DFFA: variants seen among roughly 807,000 people sequenced by gnomAD.
The protein encoded by DFFA is DNA fragmentation factor subunit alpha.
DFFA carries 14 observed loss-of-function variants against 28.0 expected under a neutral mutation model. The observed-to-expected ratio is 0.50, with a 90% CI of 0.33 to 0.78. DFFA has a LOEUF of 0.78. Ranked by LOEUF, DFFA falls within the 30% of genes least tolerant of loss-of-function variation. DFFA has a pLI of 0.02. For missense variants in DFFA, 395 were observed against 407.1 expected (o/e 0.97, Z 0.26); for synonymous variants, 158 against 170.3 (o/e 0.93, Z 0.56).
chr1:10,471,580 C>T lies in DFFA; in HGVS notation c.136+743G>A, dbSNP rs146112251. ...GAGAGGAAGCAACTGTGCCCTCTGA[C>T]ACACACTGTGACTACATGCCTGGGG... is the stretch of plus-strand genomic sequence containing the variant. On this transcript the variant is annotated intron_variant, in intron 1 of 5. Transcript: ENST00000377038. Among the ~76,000 whole-genome samples, 223 of 152,290 alleles carry T rather than the reference C, an allele frequency of 1.5e-3. 2 individuals are homozygous for T. Among genetic ancestry groups the T allele is most frequent in the African/African-American group, 5.0e-3 (208 of 41,554 alleles).
chr1:10,464,250 G>A (rs1451749395), intron 3 of DFFA, among the ~76,000 whole-genome samples: 2 of 151,780 alleles, frequency 1.3e-5, no homozygotes, highest in Non-Finnish European at 2.9e-5. Flanking sequence ...CTGCCACCAC[G>A]CTTGGCTAAT....
At chr1:10,471,105 G>C (rs1426867850) in intron 1 of DFFA, among the ~76,000 whole-genome samples, 2 of 149,722 alleles carry the variant, frequency 1.3e-5, no homozygotes, top group East Asian at 3.9e-4. Flanking sequence ...GTTCTTTACA[G>C]TATCTTCCTT....
intron 2 of DFFA, among the ~76,000 whole-genome samples, chr1:10,468,814 C>T (rs187341281): frequency 6.6e-6 from 1 of 151,872 alleles, no homozygotes; most frequent in Non-Finnish European, 1.5e-5. Context: ...TCTCAGCTCA[C>T]TGCAACCTCC....
chr1:10,461,323 A>T lies in DFFA; in HGVS notation c.*167T>A. ...CAGAAGTCCTGAAGCTGGTGGGGCT[A>T]AAAAAAAAATTGGTGGAACGGCGTA... is the stretch of plus-strand genomic sequence containing the variant. On this transcript the variant is annotated 3_prime_UTR_variant, in exon 6 of 6. Coordinates refer to ENST00000377038, the MANE Select transcript of DFFA (RefSeq NM_004401.3). 1.3e-6 allele frequency: 1 copy of T among 745,180 alleles called. No homozygotes were observed. The highest frequency in any genetic ancestry group is 1.8e-6 in the Non-Finnish European group (1 of 542,944). 46.2% of individuals were successfully genotyped at this position (745,180 alleles called of 1,614,324 possible).
intron 5 of DFFA, chr1:10,462,650 C>T (rs1398847933): frequency 4.9e-6 from 5 of 1,017,224 alleles, no homozygotes; most frequent in Non-Finnish European, 5.9e-6. Context: ...AAGTTTTTAG[C>T]TCCCTGGTCT....
intron 5 of DFFA, chr1:10,462,505 C>CATCTT (rs1640962534): frequency 1.0e-6 from 1 of 989,952 alleles, no homozygotes; most frequent in African/African-American, 1.7e-5. Flanking sequence ...ACTCTAAGGT[C>CATCTT]CTCCACCTTC....
In DFFA at chr1:10,458,534, A is replaced by ATT. The variant is rs5772416; in HGVS notation, c.*2954_*2955dup. ...CATCTTTACCCTAGGACTTATTGTG[A>ATT]TTTTCTTTTTTTTTTTTTTTTAAAG... On this transcript the variant is annotated 3_prime_UTR_variant, in exon 6 of 6. Coordinates refer to ENST00000377038, the MANE Select transcript of DFFA (RefSeq NM_004401.3). The ATT allele has an allele frequency of 0.8, 107,627 of 134,308 alleles. 44,615 individuals are homozygous for ATT. The highest frequency in any genetic ancestry group is 0.9 in the Non-Finnish European group (58,172 of 64,474). 8.3% of individuals were successfully genotyped at this position (134,308 alleles called of 1,614,324 possible).
At position 10,469,272 on chromosome 1, in the gene DFFA, G is replaced by A. The variant is rs758582569; in HGVS notation, c.203C>T (p.Thr68Ile). ...AAAGTAATCGTCATCATCCACTATG[G>A]TGCCATCCTCTGCCAGGACCAGGGT... Reference protein sequence around the residue: ...PVTLVLAEDGTIVDDDDYFLC... With the variant: ...PVTLVLAEDGIIVDDDDYFLC... Residue 68 changes from threonine (T) to isoleucine (I), a missense_variant, in exon 2 of 6, where the codon ACC becomes ATC. Physicochemically the swap from Thr to Ile is moderately conservative, Grantham distance 89. Coordinates refer to ENST00000377038, the MANE Select transcript of DFFA (RefSeq NM_004401.3). 10 of 1,614,010 alleles carry A rather than the reference G, an allele frequency of 6.2e-6. No individual in the cohort carries two copies. The highest frequency in any genetic ancestry group is 8.5e-6 in the Non-Finnish European group (10 of 1,179,992).
chr1:10,469,709 C>T (rs1009305172), intron 1 of DFFA, among the ~76,000 whole-genome samples: 2 of 152,008 alleles, frequency 1.3e-5, no homozygotes, highest in Non-Finnish European at 2.9e-5. Context: ...TTAGTAGAGA[C>T]GTGGTTTCAC....
At position 10,469,354 on chromosome 1, in the gene DFFA, T is replaced by C. The variant is rs1641064134; in HGVS notation, c.137-16A>G. 6.2e-7 allele frequency: 1 copy of C among 1,611,910 alleles called. No homozygotes were observed. The highest frequency in any genetic ancestry group is 2.2e-5 in the East Asian group (1 of 44,842). The stretch of plus-strand genomic sequence containing the variant: ...ATGTCACAGGCTGAAAAGAATAAAA[T>C]ATTTGGCAAATGACAAATAACCGTA... On this transcript the variant is annotated splice_polypyrimidine_tract_variant and intron_variant, in intron 1 of 5. Coordinates refer to ENST00000377038, the MANE Select transcript of DFFA (RefSeq NM_004401.3).
rs1641060997 is a variant in DFFA, at chr1:10,469,207, T to C, written c.268A>G (p.Ser90Gly). 1.2e-6 allele frequency: 2 copies of C among 1,614,218 alleles called. No individual in the cohort carries two copies. Among genetic ancestry groups the C allele is most frequent in the Non-Finnish European group, 1.7e-6 (2 of 1,180,030 alleles). Residue 90 changes from serine to glycine, a missense_variant, in exon 2 of 6, where the codon AGT becomes GGT. By Grantham distance (56) the Ser-to-Gly change is moderately conservative. Coordinates refer to ENST00000377038, the MANE Select transcript of DFFA (RefSeq NM_004401.3). ...TTGTTGTATGCCCATTTCTCATTAC[T>C]AGCCAATGCCACAAACTTAGTATTG... ...PSNTKFVALA[S>G]NEKWAYNNSD...
chr1:10,472,413 G>C lies in DFFA; in HGVS notation c.46C>G (p.Arg16Gly), dbSNP rs1381496439. 2.5e-6 allele frequency: 4 copies of C among 1,612,176 alleles called. No individual in the cohort carries two copies. In the East Asian group the frequency reaches 6.7e-5, roughly 27 times the overall value. Reference sequence around the variant, plus strand: ...CGCAGCAGACACGGCTTTAGAGTCCGGATCTCGCCAGATTCTGGTACCCCG... The same window carrying C: ...CGCAGCAGACACGGCTTTAGAGTCCCGATCTCGCCAGATTCTGGTACCCCG... Reference protein sequence around the residue: ...DAGVPESGEIRTLKPCLLRRN... With the variant: ...DAGVPESGEIGTLKPCLLRRN... The change falls in exon 1 of 6, where the codon CGG (arginine) becomes GGG (glycine). Residue 16 changes from arginine to glycine, a missense_variant. Physicochemically the swap from Arg to Gly is moderately radical, Grantham distance 125. Coordinates refer to ENST00000377038, the MANE Select transcript of DFFA (RefSeq NM_004401.3). The surrounding 1 kb of genome is among the most constrained non-coding windows in gnomAD (Gnocchi z 5.0).
intron 1 of DFFA, among the ~76,000 whole-genome samples, chr1:10,471,064 A>AAC (rs1433813392): frequency 1.6e-5 from 2 of 127,266 alleles, no homozygotes; most frequent in South Asian, 2.1e-4. Context: ...CTCCGTCTCA[A>AAC]AAAAAAAAAA....
chr1:10,469,867 C>G (rs1218233196), intron 1 of DFFA, among the ~76,000 whole-genome samples: 5 of 145,114 alleles, frequency 3.4e-5, no homozygotes, highest in Non-Finnish European at 7.5e-5. Flanking sequence ...GACAGGCTGG[C>G]GTGCAGTAGT....
chr1:10,466,952 C>CAAAAA lies in DFFA; in HGVS notation c.441+233_441+237dup, dbSNP rs34597195. ...TGGGCGACAGAGTAAGACTGTGTCT[C>CAAAAA]AAAAAAAAAAAAAAAAAAAAAAAAA... On this transcript the variant is annotated intron_variant, in intron 3 of 5. Coordinates refer to ENST00000377038, the MANE Select transcript of DFFA (RefSeq NM_004401.3). 2.1e-4 allele frequency among the ~76,000 whole-genome samples: 7 copies of CAAAAA among 32,736 alleles called. 1 individual carries two copies. The highest frequency in any genetic ancestry group is 5.6e-4 in the African/African-American group (7 of 12,466). 21.5% of individuals were successfully genotyped at this position (32,736 alleles called of 152,430 possible).
Position 10,463,095 on chromosome 1 carries a change from T to C in DFFA, c.746A>G (p.Gln249Arg). ...ACTAGATAAGCTCAGCTCTGGAGCCTGCTTCTCCCTCAGTGCAGTAAGGAT... is the reference window on the plus strand; with the variant it reads ...ACTAGATAAGCTCAGCTCTGGAGCCCGCTTCTCCCTCAGTGCAGTAAGGAT... ...SHILTALREK[Q>R]APELSLSSQD... The change falls in exon 5 of 6, where the codon CAG (glutamine) becomes CGG (arginine). Residue 249 changes from glutamine (Q) to arginine (R), a missense_variant. By Grantham distance (43) the Gln-to-Arg change is conservative. Coordinates refer to ENST00000377038, the MANE Select transcript of DFFA (RefSeq NM_004401.3). The C allele has an allele frequency of 6.2e-7, 1 of 1,614,126 alleles. No individual in the cohort carries two copies. The highest frequency in any genetic ancestry group is 8.5e-7 in the Non-Finnish European group (1 of 1,180,024).
At position 10,463,142 on chromosome 1, in the gene DFFA, C is replaced by G; in HGVS notation, c.699G>C (p.Ser233=). 1 of 1,614,130 alleles carries G rather than the reference C, an allele frequency of 6.2e-7. No homozygotes were observed. The highest frequency in any genetic ancestry group is 8.5e-7 in the Non-Finnish European group (1 of 1,180,032). The change falls in exon 5 of 6, where the codon TCG becomes TCC. Residue 233 remains serine, a synonymous_variant. Transcript: ENST00000377038. ...GGATGTGGCTCGCCAGCGCAACGTC[C>G]GAGGAGGTCTCTCTGCTGATACCCG... is the stretch of plus-strand genomic sequence containing the variant. ...VDTGISRETS[S]DVALASHILT... is the part of the protein sequence containing the mutation.
chr1:10,460,106 A>T lies in DFFA; in HGVS notation c.*1384T>A, dbSNP rs904788073. On this transcript the variant is annotated 3_prime_UTR_variant, in exon 6 of 6. Coordinates refer to ENST00000377038, the MANE Select transcript of DFFA (RefSeq NM_004401.3). ...CTAAAAATACAAAAATTAGCCGGGC[A>T]TGGTGGCACGTGCCTGTAATCCCAG... 6.6e-6 allele frequency: 1 copy of T among 150,514 alleles called. No individual in the cohort carries two copies. 9.3% of individuals were successfully genotyped at this position (150,514 alleles called of 1,614,324 possible). A position where few individuals can be genotyped will look rare whatever the true frequency, so the allele number is the denominator to read the frequency against.
intron 1 of DFFA, 101 bp from the exon 2 acceptor site, chr1:10,469,439 C>A: frequency 1.0e-6 from 1 of 984,064 alleles, no homozygotes; most frequent in Non-Finnish European, 1.5e-6. Context: ...GAGCAGAACT[C>A]CTGGTAGGTA....
Sources: gnomAD v4.1 joint callset for allele counts (sites outside exome capture counted in the v4.1 genomes callset) on GRCh38, gnomAD v4.1.1 for gene constraint, Gnocchi (gnomAD v3.1) non-coding constraint, MANE v1.5 for transcripts, NCBI Gene and HGNC (gene_info 2026-07-23, HGNC 2026-07-21) for gene names.